TMC5: variants seen among roughly 807,000 people sequenced by gnomAD.
TMC5 encodes the protein transmembrane channel-like protein 5.
A neutral mutation model predicts 110.5 loss-of-function variants in TMC5; 86 were observed. The observed-to-expected ratio is 0.78, with a 90% confidence interval of 0.65 to 0.93. The LOEUF is 0.93. Among genes scored for constraint, TMC5 ranks in the 40% least tolerant of loss-of-function variants. The probability of loss-of-function intolerance (pLI) is 0.00; values close to 1 mark genes in which losing one functional copy is unlikely to be tolerated. For synonymous variants in TMC5, 455 were observed against 439.5 expected (o/e 1.04, Z -0.44); for missense variants, 1,144 against 1,222.8 (o/e 0.94, Z 0.96).
chr16:19,414,611 G>A (rs925745918), upstream of TMC5, among the ~76,000 whole-genome samples: 3 of 152,162 alleles, frequency 2.0e-5, no homozygotes, highest in South Asian at 2.1e-4. Context: ...ACACTGCCAC[G>A]TGGTATAAAA....
chr16:19,443,359 T>C (rs935767661), intron 3 of TMC5, among the ~76,000 whole-genome samples: 3 of 152,224 alleles, frequency 2.0e-5, no homozygotes, highest in Admixed American at 1.3e-4. Context: ...TCTTCATCCT[T>C]GGAATGCCCT....
At position 19,457,001 on chromosome 16, in the gene TMC5, C is replaced by G. The variant is rs112116457; in HGVS notation, c.1049-3234C>G. The G allele has an allele frequency of 3.7e-6, 6 of 1,610,736 alleles. No homozygotes were observed. The African/African-American group carries it at 5.3e-5, about 14-fold the overall frequency. ...GGGCATAGACACTCCTGGTTCTTCACATGAAACTGTTCAAGGTAGTGAAAT... is the reference window on the plus strand; with the variant it reads ...GGGCATAGACACTCCTGGTTCTTCAGATGAAACTGTTCAAGGTAGTGAAAT... On this transcript the variant is annotated intron_variant, in intron 5 of 21. Coordinates refer to ENST00000542583, the MANE Select transcript of TMC5 (RefSeq NM_001261841.2).
chr16:19,413,559 A>T (rs1057356390), upstream of TMC5, among the ~76,000 whole-genome samples: 2 of 116,310 alleles, frequency 1.7e-5, no homozygotes, highest in African/African-American at 3.2e-5. Context: ...AAAAAAAAAA[A>T]GCCAGGGCAG....
chr16:19,458,219 T>C (rs1301043603), intron 5 of TMC5, among the ~76,000 whole-genome samples: 1 of 152,036 alleles, frequency 6.6e-6, no homozygotes, highest in Non-Finnish European at 1.5e-5. Flanking sequence ...TAATTTAATG[T>C]ATTTATTTGA....
intron 2 of TMC5, among the ~76,000 whole-genome samples, chr16:19,433,624 T>G (rs2143419736): frequency 6.6e-6 from 1 of 152,172 alleles, no homozygotes; most frequent in South Asian, 2.1e-4. Context: ...GGAAGTGTAG[T>G]CCTCTTGAAA....
At chr16:19,456,533 T>G in intron 5 of TMC5, 1 of 1,412,754 alleles carries the variant, frequency 7.1e-7, no homozygotes, top group African/African-American at 1.4e-5. Context: ...GTGATTTGTG[T>G]AGGGGTGGCT....
intron 15 of TMC5, among the ~76,000 whole-genome samples, chr16:19,484,725 G>C (rs1239087685): frequency 6.7e-6 from 1 of 150,124 alleles, no homozygotes; most frequent in Non-Finnish European, 1.5e-5. Flanking sequence ...CATGCCACTG[G>C]CTGCACTCCA....
rs1256534732 is a variant in TMC5 at position 19,430,824 on chromosome 16, T to A, written c.-80+184T>A. 2.6e-5 allele frequency among the ~76,000 whole-genome samples: 4 copies of A among 151,892 alleles called. No individual in the cohort carries two copies. In the East Asian group the frequency reaches 7.7e-4, roughly 29 times the overall value. On this transcript the variant is annotated intron_variant, in intron 2 of 21. Transcript: ENST00000542583. ...CAAAACAGAATTTTATTGGGACTAA[T>A]TTCTTTCCTTCTCTCCACTCTCTGC...
At chr16:19,473,578 G>A (rs1045760993) in intron 11 of TMC5, among the ~76,000 whole-genome samples, 2 of 152,212 alleles carry the variant, frequency 1.3e-5, no homozygotes, top group Non-Finnish European at 2.9e-5. Flanking sequence ...GACACACCTA[G>A]GCTCCAATCT....
chr16:19,448,295 C>T (rs1005139430), intron 4 of TMC5, among the ~76,000 whole-genome samples: 1 of 72,744 alleles, frequency 1.4e-5, no homozygotes, highest in Non-Finnish European at 2.8e-5. Flanking sequence ...CCATTATTTA[C>T]ACACACACGC....
intron 13 of TMC5, 43 bp downstream of exon 13, chr16:19,477,561 A>G: frequency 7.1e-7 from 1 of 1,409,464 alleles, no homozygotes; most frequent in Non-Finnish European, 9.8e-7. Context: ...GTTTCTTAGC[A>G]TTTGACCAAC....
Position 19,432,933 on chromosome 16 carries a change from ATCTAT to A in TMC5, c.-80+2295_-80+2299del, listed in dbSNP as rs558301090. Among the ~76,000 whole-genome samples the A allele has an allele frequency of 4.0e-4, 61 of 152,172 alleles. No individual in the cohort carries two copies. In the South Asian group the frequency reaches 4.2e-3, roughly 10 times the overall value. ...TATATAATGTATATTATATGTGTAGATCTATTATATATGTAGATATGAATAAATAT... is the reference window on the plus strand; with the variant it reads ...TATATAATGTATATTATATGTGTAGATATATATGTAGATATGAATAAATAT... On this transcript the variant is annotated intron_variant, in intron 2 of 21. Coordinates refer to ENST00000542583, the MANE Select transcript of TMC5 (RefSeq NM_001261841.2).
At chr16:19,413,678 C>T (rs765098925), upstream of TMC5, among the ~76,000 whole-genome samples, 1 of 151,912 alleles carries the variant, frequency 6.6e-6, no homozygotes, top group Non-Finnish European at 1.5e-5. Flanking sequence ...GGAATCCTAG[C>T]CTTTTAACAT....
intron 10 of TMC5, among the ~76,000 whole-genome samples, chr16:19,470,958 C>G (rs1163847522): frequency 6.6e-6 from 1 of 152,058 alleles, no homozygotes; most frequent in Admixed American, 6.6e-5. Flanking sequence ...ATCGCTTGAA[C>G]CCAGGAGGCA....
chr16:19,418,236 A>T (rs1034895026), intron 1 of TMC5, 144 bp downstream of exon 1: 3 of 152,230 alleles, frequency 2.0e-5, no homozygotes, highest in Admixed American at 6.5e-5. Context: ...GGCACAACAG[A>T]TGTTTGTTAG....
chr16:19,481,510 CTG>C lies in TMC5; in HGVS notation c.2363+48_2363+49del, dbSNP rs1968619244. On this transcript the variant is annotated intron_variant, in intron 15 of 21. Transcript: ENST00000542583. Reference sequence around the variant, plus strand: ...AAAATGCCCAGTGGTTCCCACATGACTGTGGAGCTGGTGTTTTGGTGGCAAAG... The same window carrying C: ...AAAATGCCCAGTGGTTCCCACATGACTGGAGCTGGTGTTTTGGTGGCAAAG... The C allele has an allele frequency of 3.6e-6, 5 of 1,384,032 alleles. No homozygotes were observed. In the East Asian group the frequency reaches 1.1e-4, roughly 32 times the overall value. The allele number at this position is 1,384,032 out of a possible 1,614,324, so 85.7% of individuals were successfully genotyped here.
At chr16:19,425,879 G>T (rs1305942352) in intron 1 of TMC5, among the ~76,000 whole-genome samples, 2 of 152,090 alleles carry the variant, frequency 1.3e-5, no homozygotes, top group African/African-American at 4.8e-5. Context: ...TGATGACAGG[G>T]TTTCACCATG....
intron 4 of TMC5, among the ~76,000 whole-genome samples, chr16:19,448,893 G>A (rs1426024602): frequency 3.8e-5 from 5 of 133,330 alleles, no homozygotes; most frequent in South Asian, 2.3e-4. Context: ...TCAGAGTCTC[G>A]CTCTGTTGCC....
chr16:19,488,306 A>T (rs1968802669), intron 17 of TMC5, among the ~76,000 whole-genome samples: 1 of 152,118 alleles, frequency 6.6e-6, no homozygotes, highest in Admixed American at 6.6e-5. Context: ...CAGGGAGGGA[A>T]TGCATCCTAG....
Sources: allele counts gnomAD v4.1 joint callset (sites outside exome capture counted in the v4.1 genomes callset), GRCh38; gene constraint gnomAD v4.1.1; transcripts MANE v1.5; gene names NCBI Gene and HGNC (gene_info 2026-07-23, HGNC 2026-07-21).